The following SDK1 variants were observed in gnomAD, a reference collection of about 807,000 sequenced individuals.
The protein encoded by SDK1 is protein sidekick-1.
A neutral mutation model predicts 245.5 loss-of-function variants in SDK1; 157 were observed. The observed-to-expected ratio is 0.64, with a 90% CI of 0.56 to 0.73. SDK1 has a LOEUF of 0.73. Ranked by LOEUF, SDK1 falls within the 30% of genes least tolerant of loss-of-function variation. The pLI is 0.00. For missense variants in SDK1, 3,583 were observed against 3,002.3 expected (o/e 1.19, Z -4.52); for synonymous variants, 1,647 against 1,278.5 (o/e 1.29, Z -6.15).
At chr7:3,327,304 G>T (rs181707764) in intron 1 of SDK1, among the ~76,000 whole-genome samples, 5 of 152,292 alleles carry the variant, frequency 3.3e-5, no homozygotes, top group Non-Finnish European at 5.9e-5. Flanking sequence ...GCTATCTGCA[G>T]ATTTGTCATG....
At chr7:3,521,033 C>G (rs1031303060) in intron 1 of SDK1, among the ~76,000 whole-genome samples, 1 of 152,172 alleles carries the variant, frequency 6.6e-6, no homozygotes, top group African/African-American at 2.4e-5. Context: ...TCTGGAATCT[C>G]TGAGGATGAG....
intron 25 of SDK1, among the ~76,000 whole-genome samples, chr7:4,117,723 G>A (rs2128193226): frequency 6.6e-6 from 1 of 152,302 alleles, no homozygotes; most frequent in East Asian, 1.9e-4. Flanking sequence ...CGCATCCAGT[G>A]TGTCTGCAGG....
intron 18 of SDK1, among the ~76,000 whole-genome samples, chr7:4,051,341 T>C (rs1178711763): frequency 8.1e-5 from 12 of 148,568 alleles, no homozygotes; most frequent in Non-Finnish European, 1.5e-4. Flanking sequence ...TTTTTAACCT[T>C]CTTAAGTGAA....
At chr7:3,352,175 T>C (rs1780677269) in intron 1 of SDK1, among the ~76,000 whole-genome samples, 1 of 149,992 alleles carries the variant, frequency 6.7e-6, no homozygotes. Flanking sequence ...ATTTAAAAAG[T>C]TTTACAAAAT....
chr7:3,814,830 T>G (rs1159775855), intron 4 of SDK1, among the ~76,000 whole-genome samples: 24 of 151,360 alleles, frequency 1.6e-4, no homozygotes, highest in African/African-American at 5.6e-4. Flanking sequence ...GTCCTTCACA[T>G]CCCTTGTAAG....
chr7:3,997,426 C>T (rs1784764659), intron 14 of SDK1, among the ~76,000 whole-genome samples: 1 of 151,930 alleles, frequency 6.6e-6, no homozygotes, highest in Non-Finnish European at 1.5e-5. Context: ...TTATATACAC[C>T]TCTGCTGGCA....
At chr7:3,995,348 C>T (rs1784623145) in intron 14 of SDK1, among the ~76,000 whole-genome samples, 1 of 152,176 alleles carries the variant, frequency 6.6e-6, no homozygotes, top group African/African-American at 2.4e-5. Flanking sequence ...GCTACCCCAT[C>T]TCCTCCCCTA....
intron 4 of SDK1, among the ~76,000 whole-genome samples, chr7:3,693,304 A>G (rs1445716680): frequency 6.6e-6 from 1 of 152,066 alleles, no homozygotes; most frequent in Non-Finnish European, 1.5e-5. Context: ...CGTAATATTC[A>G]TTATTCCAAA....
intron 1 of SDK1, among the ~76,000 whole-genome samples, chr7:3,386,973 A>G (rs576271755): frequency 6.6e-6 from 1 of 152,330 alleles, no homozygotes; most frequent in East Asian, 1.9e-4. Flanking sequence ...CAGGCATTCT[A>G]ACTTTAGAGC....
rs1326812586 is a variant in SDK1, at chr7:3,639,098, G to A, written c.553G>A (p.Val185Ile). 5.6e-6 allele frequency: 9 copies of A among 1,596,512 alleles called. No individual in the cohort carries two copies. The highest frequency in any genetic ancestry group is 6.9e-6 in the Non-Finnish European group (8 of 1,166,782). ...AGCACTCCTGCAAAGAAAATCAGAA[G>A]TTCAAGTCGCATGTATGTGTACAGT... Reference protein sequence around the residue: ...MGALLQRKSEVQVAYMGSFMD... With the variant: ...MGALLQRKSEIQVAYMGSFMD... Residue 185 changes from valine to isoleucine, a missense_variant, in exon 3 of 45, where the codon GTT (valine) becomes ATT (isoleucine). Transcript: ENST00000404826.
rs541627977 is a variant in SDK1, at chr7:4,056,723, C to T, written c.2911+4893C>T. On this transcript the variant is annotated intron_variant, in intron 19 of 44. Transcript: ENST00000404826. ...TGTCCTGCTCCAGAGAGGGAGCCCA[C>T]GCTGCACCCCACACGCCCGAGCCCA... 4.5e-3 allele frequency among the ~76,000 whole-genome samples: 686 copies of T among 152,248 alleles called. 16 individuals carry two copies. Among genetic ancestry groups the T allele is most frequent in the Non-Finnish European group, 5.2e-3 (353 of 68,014 alleles).
intron 1 of SDK1, among the ~76,000 whole-genome samples, chr7:3,452,157 T>C (rs1209161683): frequency 6.6e-6 from 1 of 152,182 alleles, no homozygotes; most frequent in East Asian, 1.9e-4. Flanking sequence ...ATCTGTTCAG[T>C]GTGTTTGGGG....
intron 1 of SDK1, among the ~76,000 whole-genome samples, chr7:3,329,908 G>A (rs1391708712): frequency 1.3e-5 from 2 of 152,218 alleles, no homozygotes; most frequent in Non-Finnish European, 2.9e-5. Flanking sequence ...ATGAGAGGGT[G>A]TGCATAGCTT....
chr7:3,715,252 G>C (rs561130025), intron 4 of SDK1, among the ~76,000 whole-genome samples: 1 of 151,638 alleles, frequency 6.6e-6, no homozygotes, highest in South Asian at 2.1e-4. Context: ...TTTACTTTTT[G>C]CAGATGAGCT....
At chr7:4,185,241 A>G (rs773970710) in intron 35 of SDK1, among the ~76,000 whole-genome samples, 1 of 152,146 alleles carries the variant, frequency 6.6e-6, no homozygotes, top group African/African-American at 2.4e-5. Flanking sequence ...TTTCTGGTGG[A>G]GGTATGGACA....
At chr7:3,979,399 A>G (rs1783221594) in intron 13 of SDK1, among the ~76,000 whole-genome samples, 1 of 152,018 alleles carries the variant, frequency 6.6e-6, no homozygotes, top group Non-Finnish European at 1.5e-5. Context: ...ACCCTGCATT[A>G]TTCTGACTAC....
intron 33 of SDK1, among the ~76,000 whole-genome samples, chr7:4,175,071 G>A (rs986378067): frequency 6.6e-6 from 1 of 152,026 alleles, no homozygotes; most frequent in Non-Finnish European, 1.5e-5. Context: ...GTGGCACCAG[G>A]GCTGCCTACC....
intron 1 of SDK1, among the ~76,000 whole-genome samples, chr7:3,605,959 C>T (rs1279309958): frequency 6.6e-6 from 1 of 151,872 alleles, no homozygotes; most frequent in African/African-American, 2.4e-5. Context: ...TTATCTAATT[C>T]CAGATGTTAC....
At chr7:3,788,068 A>T (rs1008989127) in intron 4 of SDK1, among the ~76,000 whole-genome samples, 2 of 152,156 alleles carry the variant, frequency 1.3e-5, no homozygotes, top group Admixed American at 6.6e-5. Context: ...GGGAGTGGAC[A>T]GTCTCAAAGC....
Sources: allele counts gnomAD v4.1 joint callset (sites outside exome capture counted in the v4.1 genomes callset), GRCh38; gene constraint gnomAD v4.1.1; transcripts MANE v1.5; gene names NCBI Gene and HGNC (gene_info 2026-07-23, HGNC 2026-07-21).